Variants in SETBP1 observed in about 807,000 individuals in gnomAD.
The protein encoded by SETBP1 is SET-binding protein.
SETBP1 carries 9 observed loss-of-function variants against 101.0 expected under a neutral mutation model. That is an observed-to-expected ratio of 0.09 (90% CI 0.05 to 0.16). SETBP1 has a LOEUF of 0.16. Among genes scored for constraint, SETBP1 ranks in the 10% least tolerant of loss-of-function variants. SETBP1 has a pLI of 1.00. For missense variants in SETBP1, 1,858 were observed against 2,033.8 expected, an observed-to-expected ratio of 0.91 and a Z score of 1.66; for synonymous variants, 818 against 788.5, an observed-to-expected ratio of 1.04 and a Z score of -0.63.
chr18:44,910,192 C>T (rs1404610550), intron 3 of SETBP1, among the ~76,000 whole-genome samples: 3 of 152,162 alleles, frequency 2.0e-5, no homozygotes, highest in African/African-American at 4.8e-5. Context: ...TCACTAAAAA[C>T]ATGCCGACTC....
intron 2 of SETBP1, among the ~76,000 whole-genome samples, chr18:44,818,411 T>C (rs560239090): frequency 6.6e-6 from 1 of 152,272 alleles, no homozygotes; most frequent in Admixed American, 6.5e-5. Context: ...TCAGGCTGCA[T>C]TGAACCCAAG....
intron 1 of SETBP1, among the ~76,000 whole-genome samples, chr18:44,687,078 G>A (rs2068852231): frequency 6.6e-6 from 1 of 152,192 alleles, no homozygotes; most frequent in South Asian, 2.1e-4. Context: ...TTCAGTGATG[G>A]AGTGAGCCTG....
At chr18:45,017,562 C>T (rs2072973592) in intron 4 of SETBP1, among the ~76,000 whole-genome samples, 1 of 152,198 alleles carries the variant, frequency 6.6e-6, no homozygotes, top group Non-Finnish European at 1.5e-5. Context: ...ATATGGTTTT[C>T]CACTGGTGAC....
chr18:44,934,268 C>T (rs2070908251), intron 3 of SETBP1, among the ~76,000 whole-genome samples: 1 of 152,090 alleles, frequency 6.6e-6, no homozygotes, highest in Non-Finnish European at 1.5e-5. Context: ...CCTGCCTCAG[C>T]CTCCCAAGTA....
chr18:44,704,615 G>C (rs904037713), intron 2 of SETBP1, among the ~76,000 whole-genome samples: 2 of 152,206 alleles, frequency 1.3e-5, no homozygotes, highest in Non-Finnish European at 2.9e-5. Flanking sequence ...TATGGGATGA[G>C]AATGTTAACT....
chr18:44,806,623 CTTTTTTTTTTTTTTTTTTTTTTTT>C (rs71177656), intron 2 of SETBP1, among the ~76,000 whole-genome samples: 373 of 27,846 alleles, frequency 0.013, 9 homozygotes, highest in African/African-American at 0.042. Context: ...TAATGAGCTC[CTTTTTTTTTTTTTTTTTTTTTTTT>C]TTTTTTTTTT....
chr18:44,887,460 G>A (rs1190841360), intron 3 of SETBP1, among the ~76,000 whole-genome samples: 1 of 152,104 alleles, frequency 6.6e-6, no homozygotes, highest in Non-Finnish European at 1.5e-5. Flanking sequence ...GCTATCTCTG[G>A]CTATTCTGAG....
intron 2 of SETBP1, among the ~76,000 whole-genome samples, chr18:44,842,983 G>A (rs1028088440): frequency 5.3e-5 from 8 of 152,226 alleles, no homozygotes; most frequent in East Asian, 1.9e-4. Context: ...TTCTATACAC[G>A]AGGAAAGCCA....
chr18:44,839,160 C>A (rs539127027), intron 2 of SETBP1, among the ~76,000 whole-genome samples: 33 of 152,174 alleles, frequency 2.2e-4, no homozygotes, highest in Middle Eastern at 3.4e-3. Flanking sequence ...CTGGGAAGCA[C>A]TGCTTCTGGA....
Position 44,811,777 on chromosome 18 carries a change from A to G in SETBP1, c.487-57453A>G, listed in dbSNP as rs1469010203. 3.3e-5 allele frequency among the ~76,000 whole-genome samples: 5 copies of G among 152,212 alleles called. No homozygotes were observed. In the East Asian group the frequency reaches 7.7e-4, roughly 23 times the overall value. ...TCCCTGTGAGGACTACAAGCCTGCC[A>G]TGGCTCTGGGTATGCAAAAGGCCCC... is the stretch of plus-strand genomic sequence containing the variant. On this transcript the variant is annotated intron_variant, in intron 2 of 5. Coordinates refer to ENST00000649279, the MANE Select transcript of SETBP1 (RefSeq NM_015559.3).
chr18:44,775,005 G>A (rs926637437), intron 2 of SETBP1, among the ~76,000 whole-genome samples: 1 of 151,726 alleles, frequency 6.6e-6, no homozygotes, highest in Admixed American at 6.6e-5. Flanking sequence ...GGTAAATTTA[G>A]AATTTTTTTT....
At chr18:45,023,322 G>A in intron 4 of SETBP1, among the ~76,000 whole-genome samples, 1 of 152,204 alleles carries the variant, frequency 6.6e-6, no homozygotes, top group East Asian at 1.9e-4. Flanking sequence ...TAATATGGGT[G>A]ATCTTTTCGG....
intron 2 of SETBP1, among the ~76,000 whole-genome samples, chr18:44,801,635 A>G (rs1429541762): frequency 6.6e-6 from 1 of 152,204 alleles, no homozygotes; most frequent in Non-Finnish European, 1.5e-5. Context: ...CATTGGGACC[A>G]TTCATGGTTG....
chr18:44,977,281 A>C (rs1193233344), intron 4 of SETBP1, among the ~76,000 whole-genome samples: 1 of 152,244 alleles, frequency 6.6e-6, no homozygotes, highest in Non-Finnish European at 1.5e-5. Context: ...ATGTGTGGAC[A>C]ACTGATATAT....
At chr18:44,813,077 A>G (rs8083390) in intron 2 of SETBP1, among the ~76,000 whole-genome samples, 5,048 of 152,158 alleles carry the variant, frequency 0.033, 277 homozygotes, top group African/African-American at 0.11. Flanking sequence ...GTCCACTTAA[A>G]AAAAAAAAGA....
At chr18:44,686,657 A>T (rs1598989164) in intron 1 of SETBP1, among the ~76,000 whole-genome samples, 1 of 152,232 alleles carries the variant, frequency 6.6e-6, no homozygotes, top group African/African-American at 2.4e-5. Context: ...TTATGAAGAG[A>T]TAGAATATTG....
chr18:44,863,315 A>G (rs943881276), intron 2 of SETBP1, among the ~76,000 whole-genome samples: 6 of 152,202 alleles, frequency 3.9e-5, no homozygotes, highest in Non-Finnish European at 2.9e-5. Flanking sequence ...GGTTGCATAC[A>G]TACAGTTAGA....
intron 4 of SETBP1, among the ~76,000 whole-genome samples, chr18:44,976,085 C>T (rs1256838254): frequency 6.7e-6 from 1 of 149,872 alleles, no homozygotes; most frequent in Non-Finnish European, 1.5e-5. Context: ...CACACACACA[C>T]ACACACACAC....
intron 5 of SETBP1, among the ~76,000 whole-genome samples, chr18:45,053,867 G>T (rs1351938663): frequency 6.6e-6 from 1 of 152,072 alleles, no homozygotes; most frequent in Non-Finnish European, 1.5e-5. Context: ...GGTATTTATG[G>T]TTAAGGATAA....
Sources: allele counts gnomAD v4.1 joint callset (sites outside exome capture counted in the v4.1 genomes callset), GRCh38; gene constraint gnomAD v4.1.1; transcripts MANE v1.5; gene names NCBI Gene and HGNC (gene_info 2026-07-23, HGNC 2026-07-21).